AKAP19: variants seen among roughly 807,000 people sequenced by gnomAD.
AKAP19 encodes A-kinase anchoring protein 19.
the AKAP19 span, among the ~76,000 whole-genome samples, chr2:189,960,291 CA>C: frequency 6.6e-6 from 1 of 152,148 alleles, no homozygotes; most frequent in Non-Finnish European, 1.5e-5. Flanking sequence ...CTGGGAAATA[CA>C]AATCCATTTT....
chr2:190,067,651 G>A, the AKAP19 span, among the ~76,000 whole-genome samples: 2 of 152,280 alleles, frequency 1.3e-5, no homozygotes, highest in African/African-American at 4.8e-5. Flanking sequence ...GGGATTTCTT[G>A]TAGATGGTCT....
the AKAP19 span, among the ~76,000 whole-genome samples, chr2:189,966,997 C>CTTT: frequency 9.2e-5 from 14 of 152,264 alleles, no homozygotes; most frequent in African/African-American, 3.1e-4. Context: ...TGCAATTTCC[C>CTTT]TTTCTGCATA....
chr2:190,165,584 T>G, the AKAP19 span, among the ~76,000 whole-genome samples: 1 of 152,100 alleles, frequency 6.6e-6, no homozygotes, highest in South Asian at 2.1e-4. Flanking sequence ...AACTTTCAAT[T>G]TACAGAAATT....
At chr2:189,981,348 T>C in the AKAP19 span, among the ~76,000 whole-genome samples, 46 of 152,164 alleles carry the variant, frequency 3.0e-4, no homozygotes, top group South Asian at 1.2e-3. Flanking sequence ...CCCCCACTTA[T>C]TTATATGACA....
At chr2:189,887,335 C>T in the AKAP19 span, among the ~76,000 whole-genome samples, 1 of 152,184 alleles carries the variant, frequency 6.6e-6, no homozygotes, top group South Asian at 2.1e-4. Flanking sequence ...GCATAGTATT[C>T]CATGGTGTAT....
the AKAP19 span, among the ~76,000 whole-genome samples, chr2:190,158,783 A>T: frequency 6.6e-6 from 1 of 152,230 alleles, no homozygotes; most frequent in African/African-American, 2.4e-5. Context: ...GATGAGGCAG[A>T]ACAGATATGA....
At chr2:189,915,373 T>G in the AKAP19 span, among the ~76,000 whole-genome samples, 1 of 152,184 alleles carries the variant, frequency 6.6e-6, no homozygotes. Context: ...TATCAAAACT[T>G]TTATTAAATG....
the AKAP19 span, among the ~76,000 whole-genome samples, chr2:190,064,980 T>C: frequency 6.6e-6 from 1 of 152,158 alleles, no homozygotes; most frequent in Non-Finnish European, 1.5e-5. Context: ...TTTTCAGTCA[T>C]TCGCTGGCAT....
At chr2:190,045,449 G>A in the AKAP19 span, among the ~76,000 whole-genome samples, 3,685 of 152,274 alleles carry the variant, frequency 0.024, 156 homozygotes, top group East Asian at 0.18. Context: ...TGGCTGAGAG[G>A]TCCTGCCCAG....
chr2:190,174,891 T>C, the AKAP19 span, among the ~76,000 whole-genome samples: 1 of 152,176 alleles, frequency 6.6e-6, no homozygotes, highest in Non-Finnish European at 1.5e-5. Flanking sequence ...CTGTTTAAAC[T>C]GAGATGAAAT....
At chr2:189,968,338 G>C in the AKAP19 span, among the ~76,000 whole-genome samples, 1 of 152,054 alleles carries the variant, frequency 6.6e-6, no homozygotes, top group African/African-American at 2.4e-5. Context: ...CCTGGACTCA[G>C]GCAATCCTCT....
the AKAP19 span, among the ~76,000 whole-genome samples, chr2:189,948,334 T>C: frequency 6.6e-6 from 1 of 152,030 alleles, no homozygotes; most frequent in Non-Finnish European, 1.5e-5. Context: ...TAATTTTCTT[T>C]GTCTCTGTTT....
chr2:190,161,514 T>G, the AKAP19 span, among the ~76,000 whole-genome samples: 26 of 152,320 alleles, frequency 1.7e-4, no homozygotes, highest in Non-Finnish European at 3.4e-4. Context: ...TATTTACTAT[T>G]GTCATGTCAT....
chr2:189,908,377 A>G, the AKAP19 span, among the ~76,000 whole-genome samples: 2 of 151,900 alleles, frequency 1.3e-5, no homozygotes, highest in Non-Finnish European at 2.9e-5. Flanking sequence ...TTGTACTTTT[A>G]GTAGAGATGG....
chr2:189,917,763 A>C, the AKAP19 span: 1 of 174,578 alleles, frequency 5.7e-6, no homozygotes, highest in Non-Finnish European at 1.2e-5. Context: ...TGATGAATCC[A>C]CTCTGCCAAT....
At chr2:190,156,479 G>T in the AKAP19 span, among the ~76,000 whole-genome samples, 2 of 151,978 alleles carry the variant, frequency 1.3e-5, no homozygotes, top group Non-Finnish European at 2.9e-5. Context: ...ATGCTTTATT[G>T]AAAAAATTTT....
At chr2:190,203,424 A>C in the AKAP19 span, 1 of 166,934 alleles carries the variant, frequency 6.0e-6, no homozygotes, top group African/African-American at 2.4e-5. Flanking sequence ...TATTTTTTCC[A>C]AATATTTTTC....
the AKAP19 span, among the ~76,000 whole-genome samples, chr2:189,927,894 T>C: frequency 1.3e-5 from 2 of 152,182 alleles, no homozygotes; most frequent in Non-Finnish European, 2.9e-5. Context: ...AGAGCATAGA[T>C]ATAGAACACT....
At chr2:189,932,278 C>T in the AKAP19 span, among the ~76,000 whole-genome samples, 45 of 152,120 alleles carry the variant, frequency 3.0e-4, no homozygotes, top group South Asian at 3.1e-3. Flanking sequence ...TGTGGTGGCA[C>T]GCACCTGTAG....
Sources: allele counts gnomAD v4.1 joint callset (sites outside exome capture counted in the v4.1 genomes callset), GRCh38; gene constraint gnomAD v4.1.1; transcripts MANE v1.5; gene names NCBI Gene and HGNC (gene_info 2026-07-23, HGNC 2026-07-21).